The following SEBOX variants were observed in gnomAD, a reference collection of about 807,000 sequenced individuals.
The protein encoded by SEBOX is homeobox protein SEBOX.
In SEBOX, 10 loss-of-function variants were observed where a neutral mutation model predicts 7.8. That is an observed-to-expected ratio of 1.28 (90% confidence interval 0.79 to 2.17). SEBOX has a LOEUF of 2.17. SEBOX is among the 30% of genes most tolerant of loss of function. SEBOX has a pLI of 0.00. For missense variants in SEBOX, 240 were observed against 239.5 expected, an observed-to-expected ratio of 1.00 and a Z score of -0.01; for synonymous variants, 98 against 91.5, an observed-to-expected ratio of 1.07 and a Z score of -0.40.
In SEBOX at chr17:28,365,148, G is replaced by T; in HGVS notation, c.4C>A (p.Pro2Thr). M[P>T]SPVDASSADG... is the part of the protein sequence containing the mutation. ...GCTGAGGATGCATCCACAGGGCTGGGCATGGAGCTGGCAAAGGGTAAGGTG... is the reference window on the plus strand; with the variant it reads ...GCTGAGGATGCATCCACAGGGCTGGTCATGGAGCTGGCAAAGGGTAAGGTG... The change falls in exon 1 of 3, where the codon CCC becomes ACC. Residue 2 changes from proline (P) to threonine (T), a missense_variant. Pro to Thr is a conservative substitution (Grantham distance 38). Transcript: ENST00000536498. 1 of 1,610,276 alleles carries T rather than the reference G, an allele frequency of 6.2e-7. No homozygotes were observed. Among genetic ancestry groups the T allele is most frequent in the Non-Finnish European group, 8.5e-7 (1 of 1,178,286 alleles).
Position 28,364,368 on chromosome 17 carries a change from A to G in SEBOX, c.473T>C (p.Val158Ala), listed in dbSNP as rs1264920428. The G allele has an allele frequency of 6.3e-7, 1 of 1,593,650 alleles. No individual in the cohort carries two copies. The highest frequency in any genetic ancestry group is 8.5e-7 in the Non-Finnish European group (1 of 1,170,130). Residue 158 changes from valine (V) to alanine (A), a missense_variant, in exon 3 of 3, where the codon GTC (valine) becomes GCC (alanine). Val to Ala is a moderately conservative substitution (Grantham distance 64, BLOSUM62 0). Transcript: ENST00000536498. ...APWGSAGASE[V>A]HPSLERATPQ... ...AGTAGCTCGCTCTAAAGAAGGGTGG[A>G]CCTCTGAAGCCCCAGCTGATCCCCA...
Position 28,364,967 on chromosome 17 carries a change from G to T in SEBOX, c.32-12C>A. 6.2e-7 allele frequency: 1 copy of T among 1,606,046 alleles called. No individual in the cohort carries two copies. Among genetic ancestry groups the T allele is most frequent in the Middle Eastern group, 1.8e-4 (1 of 5,500 alleles). On this transcript the variant is annotated splice_polypyrimidine_tract_variant and intron_variant, in intron 1 of 2. Transcript: ENST00000536498. ...CCCGCTGCCACCGTCTGCAGGCCAT[G>T]GTGGGGGTCAAGCTGGGACTCCCTG... is the stretch of plus-strand genomic sequence containing the variant.
intron 2 of SEBOX, 51 bp from the exon 3 acceptor site, chr17:28,364,699 C>T: frequency 1.3e-6 from 2 of 1,578,022 alleles, no homozygotes; most frequent in Non-Finnish European, 1.7e-6. Flanking sequence ...CCCCTCCACC[C>T]AGGGACAGGG....
In SEBOX at chr17:28,364,656, G is replaced by A; in HGVS notation, c.193-8C>T. 3 of 1,545,016 alleles carry A rather than the reference G, an allele frequency of 1.9e-6. No homozygotes were observed. Among genetic ancestry groups the A allele is most frequent in the Non-Finnish European group, 2.6e-6 (3 of 1,149,186 alleles). On this transcript the variant is annotated splice_polypyrimidine_tract_variant and splice_region_variant and intron_variant, in intron 2 of 2. Coordinates refer to ENST00000536498, the MANE Select transcript of SEBOX (RefSeq NM_001080837.4). ...GCGCTTCTGGAACCACACCTGCTAG[G>A]AAAGAAGAAGGGGTCTGTTCTGGCC... is the stretch of plus-strand genomic sequence containing the variant.
In SEBOX at chr17:28,364,799, AC is replaced by A. The variant is rs782002067; in HGVS notation, c.187del (p.Val63TyrfsTer12). 3.0e-5 allele frequency: 48 copies of A among 1,613,788 alleles called. No homozygotes were observed. Among genetic ancestry groups the A allele is most frequent in the Non-Finnish European group, 2.5e-5 (30 of 1,179,870 alleles). On this transcript the variant is annotated frameshift_variant, in exon 2 of 3. Coordinates refer to ENST00000536498, the MANE Select transcript of SEBOX (RefSeq NM_001080837.4). LOFTEE classifies it low-confidence loss of function (END_TRUNC). ...AWVTCLPEAK[V>X]QVWFQKRWAK... ...TGAGAAGGGGTCACAGCTCACCTGT[AC>A]CTTGGCCTCAGGAAGGCAAGTGACC...
intron 1 of SEBOX, 31 bp from the exon 2 acceptor site, chr17:28,364,986 C>A: frequency 3.1e-5 from 50 of 1,597,694 alleles, no homozygotes; most frequent in Non-Finnish European, 4.3e-5. Flanking sequence ...CAAGCTGGGA[C>A]TCCCTGCAAG....
In SEBOX at chr17:28,363,845, C is replaced by T. The variant is rs2067883430; in HGVS notation, c.*423G>A. Among the ~76,000 whole-genome samples, 1 of 152,220 alleles carries T rather than the reference C, an allele frequency of 6.6e-6. No individual in the cohort carries two copies. The highest frequency in any genetic ancestry group is 2.4e-5 in the African/African-American group (1 of 41,456). ...GAGGAGCAGCACTCTCCTCTCCTAC[C>T]TCACTTAGCAGTTAGCAAGGTAATG... On this transcript the variant is annotated 3_prime_UTR_variant, in exon 3 of 3. Coordinates refer to ENST00000536498, the MANE Select transcript of SEBOX (RefSeq NM_001080837.4).
rs2067888124 is a variant in SEBOX, at chr17:28,364,151, G to C, written c.*117C>G. On this transcript the variant is annotated 3_prime_UTR_variant, in exon 3 of 3. Coordinates refer to ENST00000536498, the MANE Select transcript of SEBOX (RefSeq NM_001080837.4). Reference sequence around the variant, plus strand: ...CTGAGCTAAACTCCTTTCCCGTAGGGAATCCCTTTGCATAAAAAGTGGGGC... The same window carrying C: ...CTGAGCTAAACTCCTTTCCCGTAGGCAATCCCTTTGCATAAAAAGTGGGGC... 4.0e-5 allele frequency: 41 copies of C among 1,029,202 alleles called. No individual in the cohort carries two copies. In the South Asian group the frequency reaches 6.9e-4, roughly 17 times the overall value. 63.8% of individuals were successfully genotyped at this position (1,029,202 alleles called of 1,614,324 possible).
In SEBOX at chr17:28,364,407, T is replaced by G; in HGVS notation, c.434A>C (p.Lys145Thr). Residue 145 changes from lysine to threonine, a missense_variant, in exon 3 of 3, where the codon AAA becomes ACA. Lys to Thr is a moderately conservative substitution (Grantham distance 78). Transcript: ENST00000536498. ...AGCTGATCCCCATGGGGCTACAGCT[T>G]TAGCCCCTTCCCAGCCCTGCCGTGG... is the stretch of plus-strand genomic sequence containing the variant. ...LSPRQGWEGA[K>T]AVAPWGSAGA... 1 of 1,590,714 alleles carries G rather than the reference T, an allele frequency of 6.3e-7. No individual in the cohort carries two copies. The highest frequency in any genetic ancestry group is 8.6e-7 in the Non-Finnish European group (1 of 1,168,214).
At position 28,364,529 on chromosome 17, in the gene SEBOX, C is replaced by T. The variant is rs1445058797; in HGVS notation, c.312G>A (p.Trp104Ter). The change falls in exon 3 of 3, where the codon TGG becomes TGA. Residue 104 changes from tryptophan to a stop codon, truncating the protein, a stop_gained. Coordinates refer to ENST00000536498, the MANE Select transcript of SEBOX (RefSeq NM_001080837.4). LOFTEE classifies it low-confidence loss of function (END_TRUNC). ...CSLPDTLQQPWDPQMPGQPPP... is the reference protein window; with the variant it reads ...CSLPDTLQQP ...GAGGTTGGCCTGGCATTTGGGGATC[C>T]CAGGGCTGCTGGAGGGTGTCTGGAA... is the stretch of plus-strand genomic sequence containing the variant. 2 of 1,602,600 alleles carry T rather than the reference C, an allele frequency of 1.2e-6. No individual in the cohort carries two copies. The highest frequency in any genetic ancestry group is 2.7e-5 in the African/African-American group (2 of 74,738).
At position 28,364,842 on chromosome 17, in the gene SEBOX, G is replaced by A. The variant is rs560319705; in HGVS notation, c.145C>T (p.His49Tyr). ...AAWPYPNIST[H>Y]EHLAWVTCLP... The stretch of plus-strand genomic sequence containing the variant: ...CAAGTGACCCAGGCCAGGTGCTCAT[G>A]GGTGCTGATGTTGGGGTAGGGCCAT... The change falls in exon 2 of 3, where the codon CAT becomes TAT. Residue 49 changes from histidine to tyrosine, a missense_variant. Physicochemically the swap from His to Tyr is moderately conservative, Grantham distance 83. Transcript: ENST00000536498. The A allele has an allele frequency of 8.1e-5, 131 of 1,613,830 alleles. No individual in the cohort carries two copies. The highest frequency in any genetic ancestry group is 1.1e-4 in the Non-Finnish European group (130 of 1,179,866).
rs781927397 is a variant in SEBOX, at chr17:28,364,479, C to A, written c.362G>T (p.Arg121Leu). ...QPPPSSGTPQ[R>L]TSVCRHSSCP... Reference sequence around the variant, plus strand: ...GGAGCTATGTCGACACACTGAGGTGCGCTGAGGTGTGCCGCTGGAGGGTGG... The same window carrying A: ...GGAGCTATGTCGACACACTGAGGTGAGCTGAGGTGTGCCGCTGGAGGGTGG... The change falls in exon 3 of 3, where the codon CGC (arginine) becomes CTC (leucine). Residue 121 changes from arginine to leucine, a missense_variant. Transcript: ENST00000536498. 6.2e-7 allele frequency: 1 copy of A among 1,607,744 alleles called. No homozygotes were observed. The highest frequency in any genetic ancestry group is 1.3e-5 in the African/African-American group (1 of 74,774).
Position 28,364,276 on chromosome 17 carries a change from G to C in SEBOX, c.565C>G (p.His189Asp). ...CAAGTTCTGGACAAAGACTAGGAGT[G>C]GTCCACATTGACGACAATGGCCAAG... Reference protein sequence around the residue: ...YALAIVVNVDHS With the variant: ...YALAIVVNVDDS Residue 189 changes from histidine to aspartate, a missense_variant, in exon 3 of 3, where the codon CAC becomes GAC. Physicochemically the swap from His to Asp is moderately conservative, Grantham distance 81. Coordinates refer to ENST00000536498, the MANE Select transcript of SEBOX (RefSeq NM_001080837.4). The C allele has an allele frequency of 6.2e-7, 1 of 1,607,090 alleles. No individual in the cohort carries two copies. Among genetic ancestry groups the C allele is most frequent in the Non-Finnish European group, 8.5e-7 (1 of 1,176,672 alleles).
Position 28,364,227 on chromosome 17 carries a change from A to G in SEBOX, c.*41T>C. The G allele has an allele frequency of 3.2e-6, 5 of 1,563,646 alleles. No individual in the cohort carries two copies. In the Middle Eastern group the frequency reaches 5.2e-4, roughly 163 times the overall value. ...AATCCCAGGAGGGGCAGGGTGGGCC[A>G]CAGGAGTCAGAGGAGGGGCCTTGCA... On this transcript the variant is annotated 3_prime_UTR_variant, in exon 3 of 3. Transcript: ENST00000536498.
chr17:28,364,724 G>T, intron 2 of SEBOX, 71 bp downstream of exon 2: 2 of 1,593,608 alleles, frequency 1.3e-6, no homozygotes, highest in Non-Finnish European at 1.7e-6. Flanking sequence ...CAACCTGAAG[G>T]CAGGCTACCC....
rs554541235 is a variant in SEBOX, at chr17:28,364,604, C to T, written c.237G>A (p.Lys79=). ...KRWAKIIKNR[K]SGILSPGSEC... ...CAGACCCAGGGCTTAGAATTCCTGA[C>T]TTCCTGTTCTTGATTATTTTGGCCC... Residue 79 remains lysine (K), a synonymous_variant, in exon 3 of 3, where the codon AAG becomes AAA. Transcript: ENST00000536498. 16 of 1,544,712 alleles carry T rather than the reference C, an allele frequency of 1.0e-5. No individual in the cohort carries two copies. In the East Asian group the frequency reaches 1.6e-4, roughly 15 times the overall value.
chr17:28,365,043 C>T (rs2067897793), intron 1 of SEBOX, 78 bp downstream of exon 1: 3 of 1,573,080 alleles, frequency 1.9e-6, no homozygotes, highest in East Asian at 2.3e-5. Flanking sequence ...GAAGTCCCTA[C>T]TCCCACCCCT....
chr17:28,364,669 G>T (rs782154837), intron 2 of SEBOX, 21 bp from the exon 3 acceptor site: 2 of 1,553,726 alleles, frequency 1.3e-6, no homozygotes, highest in Non-Finnish European at 1.7e-6. Flanking sequence ...AGAAGAAGGG[G>T]TCTGTTCTGG....
chr17:28,364,941 A>T lies in SEBOX; in HGVS notation c.46T>A (p.Leu16Met), dbSNP rs781874918. Residue 16 changes from leucine to methionine, a missense_variant, in exon 2 of 3, where the codon TTG becomes ATG. Physicochemically the swap from Leu to Met is conservative, Grantham distance 15. Transcript: ENST00000536498. Reference protein sequence around the residue: ...DASSADGGSGLGSHRRKRTTF... With the variant: ...DASSADGGSGMGSHRRKRTTF... ...GTCCGCTTTCTCCGGTGGGAACCCA[A>T]CCCGCTGCCACCGTCTGCAGGCCAT... 1 of 1,610,378 alleles carries T rather than the reference A, an allele frequency of 6.2e-7. No homozygotes were observed. Among genetic ancestry groups the T allele is most frequent in the Non-Finnish European group, 8.5e-7 (1 of 1,178,622 alleles).
Sources: gnomAD v4.1 joint callset for allele counts (sites outside exome capture counted in the v4.1 genomes callset) on GRCh38, gnomAD v4.1.1 for gene constraint, MANE v1.5 for transcripts, NCBI Gene and HGNC (gene_info 2026-07-23, HGNC 2026-07-21) for gene names.